Variants in EML6 observed in about 807,000 individuals in gnomAD.
EML6 encodes the protein echinoderm microtubule-associated protein-like 6.
Under a neutral mutation model 240.1 loss-of-function variants are expected in EML6, and 154 were observed. The ratio of observed to expected loss-of-function variants is 0.64; its 90% confidence interval spans 0.56 to 0.73. The LOEUF is 0.73. EML6 is among the 30% of genes least tolerant of loss of function. EML6 has a pLI of 0.00. For missense variants in EML6, 2,964 were observed against 2,474.6 expected (o/e 1.20, Z -4.20); for synonymous variants, 1,148 against 899.0 (o/e 1.28, Z -4.95).
At chr2:54,926,758 G>C (rs1371760283) in intron 26 of EML6, among the ~76,000 whole-genome samples, 1 of 152,134 alleles carries the variant, frequency 6.6e-6, no homozygotes, top group Non-Finnish European at 1.5e-5. Flanking sequence ...TATCTCTTCA[G>C]TGGCCCTGAA....
intron 8 of EML6, among the ~76,000 whole-genome samples, chr2:54,845,848 G>A (rs1351460573): frequency 6.6e-6 from 1 of 152,136 alleles, no homozygotes; most frequent in Non-Finnish European, 1.5e-5. Flanking sequence ...TGCTGCATGT[G>A]ACTTATTCTT....
At chr2:54,924,051 T>C (rs944608525) in intron 26 of EML6, among the ~76,000 whole-genome samples, 2 of 152,248 alleles carry the variant, frequency 1.3e-5, no homozygotes, top group Non-Finnish European at 2.9e-5. Context: ...TTTTCCAGTT[T>C]TTGGTTATAG....
At chr2:54,844,345 C>A in intron 8 of EML6, 97 bp downstream of exon 8, 3 of 921,954 alleles carry the variant, frequency 3.3e-6, no homozygotes, top group Non-Finnish European at 5.0e-6. Flanking sequence ...AGAACAGAAC[C>A]ACACAGTTTC....
chr2:54,799,495 A>C (rs1816376), intron 2 of EML6, among the ~76,000 whole-genome samples: 30,930 of 151,778 alleles, frequency 0.2, 3,498 homozygotes, highest in Middle Eastern at 0.31. Flanking sequence ...ACAGGTGCCC[A>C]CCACCACGCC....
intron 10 of EML6, among the ~76,000 whole-genome samples, chr2:54,852,317 A>G (rs13033668): frequency 0.45 from 68,066 of 152,136 alleles, 15,491 homozygotes; most frequent in Middle Eastern, 0.5. Flanking sequence ...CTGCCTTATC[A>G]AATTCTTCAG....
At chr2:54,758,577 A>C (rs975365238) in intron 2 of EML6, among the ~76,000 whole-genome samples, 1 of 152,018 alleles carries the variant, frequency 6.6e-6, no homozygotes, top group Non-Finnish European at 1.5e-5. Flanking sequence ...CTAGTATATT[A>C]TACTTCCTCC....
intron 19 of EML6, among the ~76,000 whole-genome samples, 170 bp downstream of exon 19, chr2:54,892,826 T>A (rs1672547817): frequency 3.3e-5 from 5 of 152,198 alleles, no homozygotes; most frequent in Admixed American, 3.3e-4. Flanking sequence ...AAAGATATTT[T>A]TATAATTTCG....
At chr2:54,831,691 C>G (rs952396734) in intron 7 of EML6, among the ~76,000 whole-genome samples, 3 of 152,210 alleles carry the variant, frequency 2.0e-5, no homozygotes, top group African/African-American at 7.2e-5. Flanking sequence ...AGATGGCTTA[C>G]TGATAAGGCG....
intron 25 of EML6, 83 bp from the exon 26 acceptor site, chr2:54,916,676 G>A: frequency 8.9e-7 from 1 of 1,117,724 alleles, no homozygotes; most frequent in Non-Finnish European, 1.2e-6. Flanking sequence ...AAGTAATTTA[G>A]AATTACTCAG....
chr2:54,823,882 G>GTC (rs372503443), intron 5 of EML6, among the ~76,000 whole-genome samples: 1,901 of 87,658 alleles, frequency 0.022, 36 homozygotes, highest in East Asian at 0.059. Flanking sequence ...CTCTCTTTCT[G>GTC]TCTCTCTCTC....
At chr2:54,882,330 C>T (rs889220632) in intron 17 of EML6, 3 of 145,294 alleles carry the variant, frequency 2.1e-5, no homozygotes, top group Non-Finnish European at 3.0e-5. Flanking sequence ...ATACAAGTAT[C>T]CCATTTAAGA....
At chr2:54,768,234 T>A (rs1668270312) in intron 2 of EML6, among the ~76,000 whole-genome samples, 1 of 152,166 alleles carries the variant, frequency 6.6e-6, no homozygotes, top group African/African-American at 2.4e-5. Context: ...CCTTAGTTGA[T>A]CTCAGGGATG....
chr2:54,886,721 G>T (rs1434132091), intron 17 of EML6, among the ~76,000 whole-genome samples: 1 of 152,040 alleles, frequency 6.6e-6, no homozygotes, highest in African/African-American at 2.4e-5. Context: ...TGCTGACTGG[G>T]TATATTTTCT....
At chr2:54,856,188 T>A (rs551328354) in intron 11 of EML6, among the ~76,000 whole-genome samples, 1 of 152,336 alleles carries the variant, frequency 6.6e-6, no homozygotes, top group South Asian at 2.1e-4. Context: ...TTTTCACATC[T>A]TAAAATAATT....
At chr2:54,951,396 G>C (rs911358383) in intron 30 of EML6, among the ~76,000 whole-genome samples, 4 of 152,060 alleles carry the variant, frequency 2.6e-5, no homozygotes, top group Non-Finnish European at 4.4e-5. Context: ...AGCCAGGCAT[G>C]GTGGCAGGTG....
At chr2:54,954,498 C>A (rs1676139422) in intron 32 of EML6, among the ~76,000 whole-genome samples, 1 of 152,242 alleles carries the variant, frequency 6.6e-6, no homozygotes, top group Non-Finnish European at 1.5e-5. Context: ...TCCTTGTCTT[C>A]CGTGCTCTTT....
At chr2:54,794,354 CTTA>C (rs1176464983) in intron 2 of EML6, among the ~76,000 whole-genome samples, 3 of 152,116 alleles carry the variant, frequency 2.0e-5, no homozygotes, top group African/African-American at 7.2e-5. Flanking sequence ...TTTCTCTGTT[CTTA>C]TTATTGATAT....
intron 2 of EML6, among the ~76,000 whole-genome samples, chr2:54,788,151 G>A (rs1411796607): frequency 6.6e-6 from 1 of 152,202 alleles, no homozygotes; most frequent in African/African-American, 2.4e-5. Flanking sequence ...CTTAATAAAG[G>A]CTTAGGTCGC....
chr2:54,952,448 C>G, intron 30 of EML6, 146 bp from the exon 31 acceptor site: 2 of 571,030 alleles, frequency 3.5e-6, no homozygotes, highest in Non-Finnish European at 6.2e-6. Flanking sequence ...TTCATCTCCC[C>G]AAGTGTGATT....
Sources: allele counts gnomAD v4.1 joint callset (sites outside exome capture counted in the v4.1 genomes callset), GRCh38; gene constraint gnomAD v4.1.1; transcripts MANE v1.5; gene names NCBI Gene and HGNC (gene_info 2026-07-23, HGNC 2026-07-21).